The following CSMD2 variants were observed in gnomAD, a reference collection of about 807,000 sequenced individuals.
CSMD2 encodes the protein CUB and Sushi multiple domains 2, also known as CUB and sushi domain-containing protein 2.
Under a neutral mutation model 398.5 loss-of-function variants are expected in CSMD2, and 130 were observed. The observed-to-expected ratio is 0.33, with a 90% CI of 0.28 to 0.38. The LOEUF (loss-of-function observed/expected upper bound fraction) is 0.38, where lower values mean the gene tolerates loss of function less well. Among genes scored for constraint, CSMD2 ranks in the 10% least tolerant of loss-of-function variants. The pLI, the probability that CSMD2 is intolerant of heterozygous loss-of-function variation, is 1.00. For synonymous variants in CSMD2, 1,828 were observed against 1,908.5 expected (o/e 0.96, Z 1.10); for missense variants, 3,829 against 4,764.9 (o/e 0.80, Z 5.78).
At chr1:33,548,201 G>T (rs980107598) in intron 56 of CSMD2, among the ~76,000 whole-genome samples, 1 of 152,196 alleles carries the variant, frequency 6.6e-6, no homozygotes, top group Non-Finnish European at 1.5e-5. Context: ...ACCAGGCTCA[G>T]GTATGTCTTT....
rs1036524552 is a variant in CSMD2, at chr1:34,032,814, C to G, written c.405-108G>C. ...GATACACAGTGCTGATCTAGGCACACAGAGGGTGTTCAAAGACAAAGTGAT... is the reference window on the plus strand; with the variant it reads ...GATACACAGTGCTGATCTAGGCACAGAGAGGGTGTTCAAAGACAAAGTGAT... On this transcript the variant is annotated intron_variant, in intron 2 of 70. Transcript: ENST00000373381. 2.1e-4 allele frequency: 150 copies of G among 711,434 alleles called. 1 individual carries two copies. The highest frequency in any genetic ancestry group is 9.3e-4 in the Middle Eastern group (4 of 4,284). 44.1% of individuals were successfully genotyped at this position (711,434 alleles called of 1,614,324 possible).
rs1646098678 is a variant in CSMD2, at chr1:33,714,547, C to T, written c.3406+40G>A. 3.1e-6 allele frequency: 5 copies of T among 1,602,418 alleles called. No individual in the cohort carries two copies. The East Asian group carries it at 8.9e-5, about 29-fold the overall frequency. On this transcript the variant is annotated intron_variant, in intron 21 of 70. Transcript: ENST00000373381. ...CATCAATTGACTATAATCTGTCCCA[C>T]CCCATTAGTGAAGCAAAATGAAAGC... is the stretch of plus-strand genomic sequence containing the variant.
chr1:33,971,718 C>T (rs534482681), intron 3 of CSMD2, among the ~76,000 whole-genome samples: 78 of 152,194 alleles, frequency 5.1e-4, no homozygotes, highest in African/African-American at 1.7e-3. Context: ...GCAGGTTGGG[C>T]GGGTGCCTGT....
At chr1:33,729,168 T>A (rs1442805323) in intron 15 of CSMD2, among the ~76,000 whole-genome samples, 1 of 152,212 alleles carries the variant, frequency 6.6e-6, no homozygotes, top group African/African-American at 2.4e-5. Flanking sequence ...CTACAGATCA[T>A]GCAGTCTCCA....
At chr1:33,727,771 A>T (rs963291672) in intron 15 of CSMD2, among the ~76,000 whole-genome samples, 6 of 152,104 alleles carry the variant, frequency 3.9e-5, no homozygotes, top group Non-Finnish European at 7.4e-5. Flanking sequence ...TGTGAGATAT[A>T]AGCTCCTGAT....
intron 53 of CSMD2, among the ~76,000 whole-genome samples, chr1:33,566,306 C>CA (rs36061027): frequency 1.9e-3 from 285 of 148,472 alleles, no homozygotes; most frequent in African/African-American, 4.4e-3. Flanking sequence ...TCAGGAACCT[C>CA]AAAAAAAAAA....
intron 13 of CSMD2, among the ~76,000 whole-genome samples, chr1:33,753,106 TAAAG>T (rs1446408076): frequency 3.3e-5 from 5 of 152,248 alleles, no homozygotes; most frequent in Non-Finnish European, 7.4e-5. Context: ...GACCCTGTGG[TAAAG>T]AAAGAATCTA....
chr1:34,013,599 T>G (rs1401145773), intron 3 of CSMD2, among the ~76,000 whole-genome samples: 3 of 152,268 alleles, frequency 2.0e-5, no homozygotes, highest in African/African-American at 7.2e-5. Flanking sequence ...CTCTACAGCC[T>G]GATCTGCCCC....
chr1:33,864,468 C>T, intron 5 of CSMD2: 1 of 1,613,418 alleles, frequency 6.2e-7, no homozygotes, highest in Non-Finnish European at 8.5e-7. Flanking sequence ...TCCCCAGGAA[C>T]CCAGACGGCC....
At chr1:33,954,174 T>C (rs1645091548) in intron 3 of CSMD2, among the ~76,000 whole-genome samples, 1 of 152,134 alleles carries the variant, frequency 6.6e-6, no homozygotes, top group African/African-American at 2.4e-5. Flanking sequence ...TCGAAGTAGG[T>C]ATAGTACTAT....
chr1:33,661,341 T>C (rs1438870654), intron 26 of CSMD2, among the ~76,000 whole-genome samples: 1 of 152,164 alleles, frequency 6.6e-6, no homozygotes, highest in Non-Finnish European at 1.5e-5. Flanking sequence ...GGGAGATCCT[T>C]CCATTGCTTA....
At chr1:33,920,410 C>T (rs569562159) in intron 4 of CSMD2, among the ~76,000 whole-genome samples, 11 of 149,770 alleles carry the variant, frequency 7.3e-5, no homozygotes, top group South Asian at 2.1e-4. Flanking sequence ...GGTGTGGTGG[C>T]GCACATCTGT....
chr1:33,746,563 T>C (rs968247391), intron 13 of CSMD2, among the ~76,000 whole-genome samples: 3 of 152,232 alleles, frequency 2.0e-5, no homozygotes, highest in African/African-American at 4.8e-5. Context: ...ATTTTGGAAT[T>C]TGAGCAGCTA....
chr1:34,105,542 C>T (rs955785518), intron 1 of CSMD2, among the ~76,000 whole-genome samples: 1 of 152,186 alleles, frequency 6.6e-6, no homozygotes, highest in African/African-American at 2.4e-5. Flanking sequence ...ATCCCTGGAC[C>T]TCCATGACCT....
At chr1:34,075,636 G>A (rs554059678) in intron 2 of CSMD2, among the ~76,000 whole-genome samples, 1 of 152,282 alleles carries the variant, frequency 6.6e-6, no homozygotes, top group African/African-American at 2.4e-5. Context: ...TGCTTAACTG[G>A]TGCAGTCATC....
rs114645475 is a variant in CSMD2 at position 33,821,122 on chromosome 1, G to C, written c.1112-566C>G. Among the ~76,000 whole-genome samples the C allele has an allele frequency of 2.2e-3, 338 of 152,270 alleles. 1 individual carries two copies. Among genetic ancestry groups the C allele is most frequent in the African/African-American group, 7.9e-3 (327 of 41,556 alleles). ...AACCTCTTCCCATCAGATACTTCTC[G>C]AGCCAGAGTAAGCAGTCACCAGAGC... On this transcript the variant is annotated intron_variant, in intron 7 of 70. Transcript: ENST00000373381.
At position 34,099,988 on chromosome 1, in the gene CSMD2, C is replaced by T. The variant is rs527657139; in HGVS notation, c.188-10795G>A. On this transcript the variant is annotated intron_variant, in intron 1 of 70. Coordinates refer to ENST00000373381, the MANE Select transcript of CSMD2 (RefSeq NM_001281956.2). ...ATTGTATTCTAAACAATAACTTCTA[C>T]ATTGTAGAAACTGAAAAATACAGGC... Among the ~76,000 whole-genome samples the T allele has an allele frequency of 1.2e-4, 18 of 152,260 alleles. No individual in the cohort carries two copies. In the East Asian group the frequency reaches 3.1e-3, roughly 26 times the overall value.
rs1553316154 is a variant in CSMD2 at position 34,103,314 on chromosome 1, T to TTTTTTTTTTTTTTTTTTTTTTTTTTTC, written c.188-14122_188-14121insGAAAAAAAAAAAAAAAAAAAAAAAAAA. ...CTTTTTTTTTTTTTTTTTTTTTCTTTCTGAGCCAGATTCTCGCTCTGTCAA... is the reference window on the plus strand; with the variant it reads ...CTTTTTTTTTTTTTTTTTTTTTCTTTTTTTTTTTTTTTTTTTTTTTTTTTTTCCTGAGCCAGATTCTCGCTCTGTCAA... On this transcript the variant is annotated intron_variant, in intron 1 of 70. Coordinates refer to ENST00000373381, the MANE Select transcript of CSMD2 (RefSeq NM_001281956.2). Among the ~76,000 whole-genome samples, 3 of 114,658 alleles carry TTTTTTTTTTTTTTTTTTTTTTTTTTTC rather than the reference T, an allele frequency of 2.6e-5. 1 individual carries two copies. The highest frequency in any genetic ancestry group is 1.7e-5 in the Non-Finnish European group (1 of 57,680). The allele number at this position is 114,658 out of a possible 152,430, so 75.2% of individuals were successfully genotyped here.
intron 1 of CSMD2, among the ~76,000 whole-genome samples, chr1:34,123,530 G>GA (rs1159116846): frequency 6.6e-6 from 1 of 151,936 alleles, no homozygotes; most frequent in Non-Finnish European, 1.5e-5. Flanking sequence ...AAAGGGGGGG[G>GA]GTTGTGGGAA....
Sources: allele counts gnomAD v4.1 joint callset (sites outside exome capture counted in the v4.1 genomes callset), GRCh38; gene constraint gnomAD v4.1.1; transcripts MANE v1.5; gene names NCBI Gene and HGNC (gene_info 2026-07-23, HGNC 2026-07-21).